RREB1: variants seen among roughly 807,000 people sequenced by gnomAD.
The protein encoded by RREB1 is ras-responsive element-binding protein 1.
A neutral mutation model predicts 117.8 loss-of-function variants in RREB1; 27 were observed. The ratio of observed to expected loss-of-function variants is 0.23; its 90% CI spans 0.17 to 0.32. RREB1 has a LOEUF of 0.32. Among genes scored for constraint, RREB1 ranks in the 10% least tolerant of loss-of-function variants. RREB1 has a pLI of 1.00. For missense variants in RREB1, 2,577 were observed against 2,378.2 expected, an observed-to-expected ratio of 1.08 and a Z score of -1.74; for synonymous variants, 1,298 against 1,026.7, an observed-to-expected ratio of 1.26 and a Z score of -5.05.
chr6:7,136,087 C>G (rs1044848220), intron 1 of RREB1, among the ~76,000 whole-genome samples: 16 of 152,142 alleles, frequency 1.1e-4, no homozygotes, highest in African/African-American at 3.4e-4. Context: ...AGGAGGTGAT[C>G]AGGGGTGATG....
At chr6:7,245,330 G>A (rs1396519536) in intron 11 of RREB1, among the ~76,000 whole-genome samples, 1 of 152,188 alleles carries the variant, frequency 6.6e-6, no homozygotes, top group Non-Finnish European at 1.5e-5. Flanking sequence ...GGGAGGTGGA[G>A]GTTGCAGTGA....
At position 7,246,992 on chromosome 6, in the gene RREB1, CG is replaced by C; in HGVS notation, c.4546del (p.Glu1516ArgfsTer67). On this transcript the variant is annotated frameshift_variant, in exon 12 of 13. Coordinates refer to ENST00000379938, the MANE Select transcript of RREB1 (RefSeq NM_001003699.4). LOFTEE classifies it high-confidence loss of function. ...AGGTGGTGGAGTCGGCCCCGGGTGC[CG>C]GGGAGGCCCCGGCGGAAAAGCTCGC... ...AEVVESAPGAGEAPAEKLAEE... is the reference protein window; with the variant it reads ...AEVVESAPGAXEAPAEKLAEE... The C allele has an allele frequency of 6.3e-7, 1 of 1,595,140 alleles. No homozygotes were observed. The highest frequency in any genetic ancestry group is 8.5e-7 in the Non-Finnish European group (1 of 1,171,524).
intron 1 of RREB1, among the ~76,000 whole-genome samples, chr6:7,110,687 TTA>T (rs1321560310): frequency 6.6e-6 from 1 of 152,206 alleles, no homozygotes; most frequent in African/African-American, 2.4e-5. Flanking sequence ...ACTCTTTGAT[TTA>T]GTTATTTGCT....
intron 8 of RREB1, 88 bp downstream of exon 8, chr6:7,211,797 CT>C (rs1196594990): frequency 1.0e-5 from 14 of 1,373,334 alleles, no homozygotes; most frequent in African/African-American, 2.9e-5. Flanking sequence ...CCACACCGGG[CT>C]CCAGTGATTG....
In RREB1 at chr6:7,248,798, A is replaced by G. The variant is rs574006924; in HGVS notation, c.5059A>G (p.Arg1687Gly). 5.6e-6 allele frequency: 9 copies of G among 1,613,922 alleles called. No individual in the cohort carries two copies. The East Asian group carries it at 2.0e-4, about 36-fold the overall frequency. The change falls in exon 13 of 13, where the codon AGG (arginine) becomes GGG (glycine). Residue 1687 changes from arginine (R) to glycine (G), a missense_variant. Physicochemically the swap from Arg to Gly is moderately radical, Grantham distance 125 (BLOSUM62 -2). Transcript: ENST00000379938. ...CAGTGCCACCAAGGACTGCAGCCAC[A>G]GGGAGGAGAAGGTCACGGCAGGGTG... ...LASATKDCSH[R>G]EEKVTAGWPS...
chr6:7,161,691 A>T (rs570199642), intron 1 of RREB1, among the ~76,000 whole-genome samples: 2 of 152,086 alleles, frequency 1.3e-5, no homozygotes, highest in African/African-American at 4.8e-5. Flanking sequence ...TCTAAATCCT[A>T]CTTGATAACC....
chr6:7,136,209 A>G (rs1037053585), intron 1 of RREB1, among the ~76,000 whole-genome samples: 4 of 152,198 alleles, frequency 2.6e-5, no homozygotes, highest in African/African-American at 9.7e-5. Context: ...TAGAAGTTTG[A>G]TTTGAAAAGG....
At chr6:7,168,447 C>T (rs147018833) in intron 1 of RREB1, among the ~76,000 whole-genome samples, 132 of 152,174 alleles carry the variant, frequency 8.7e-4, no homozygotes, top group African/African-American at 3.0e-3. Flanking sequence ...GGTCTCCCAC[C>T]CATTGCCGGA....
At chr6:7,129,756 C>T (rs1437091870) in intron 1 of RREB1, among the ~76,000 whole-genome samples, 2 of 152,330 alleles carry the variant, frequency 1.3e-5, no homozygotes, top group Non-Finnish European at 2.9e-5. Context: ...AAGGTGCAGC[C>T]GGGCAGCAGG....
At chr6:7,176,799 G>A (rs1764518374) in intron 2 of RREB1, 26 bp downstream of exon 2, 1 of 152,590 alleles carries the variant, frequency 6.6e-6, no homozygotes, top group South Asian at 2.1e-4. Flanking sequence ...TTCACTCGCA[G>A]TGAGTCACAA....
At chr6:7,216,513 C>G (rs1344550656) in intron 8 of RREB1, 1 of 152,202 alleles carries the variant, frequency 6.6e-6, no homozygotes, top group Non-Finnish European at 1.5e-5. Flanking sequence ...CAGCTGAGAC[C>G]ACCCCCTTCC....
At chr6:7,227,173 T>C (rs1183658998) in intron 9 of RREB1, among the ~76,000 whole-genome samples, 1 of 150,710 alleles carries the variant, frequency 6.6e-6, no homozygotes. Context: ...GCCCAGGAGG[T>C]TGAGGCTGCA....
chr6:7,222,875 C>T (rs138521641), intron 8 of RREB1, among the ~76,000 whole-genome samples: 1,934 of 152,232 alleles, frequency 0.013, 26 homozygotes, highest in Non-Finnish European at 0.017. Flanking sequence ...CATTCATTCT[C>T]CATTCCCTTC....
intron 1 of RREB1, among the ~76,000 whole-genome samples, chr6:7,170,558 C>T (rs1764159320): frequency 6.6e-6 from 1 of 152,210 alleles, no homozygotes; most frequent in African/African-American, 2.4e-5. Flanking sequence ...CTTTTAGGAT[C>T]CAGGGCTGCG....
At chr6:7,221,336 T>G (rs1197383421) in intron 8 of RREB1, among the ~76,000 whole-genome samples, 1 of 151,710 alleles carries the variant, frequency 6.6e-6, no homozygotes, top group African/African-American at 2.4e-5. Flanking sequence ...GCCCGGCTAA[T>G]TTTTTGTATT....
At chr6:7,163,715 G>C (rs199714456) in intron 1 of RREB1, among the ~76,000 whole-genome samples, 5 of 152,182 alleles carry the variant, frequency 3.3e-5, no homozygotes, top group East Asian at 3.9e-4. Context: ...TAGTTGTGGG[G>C]CTGGCAGAGC....
intron 2 of RREB1, among the ~76,000 whole-genome samples, chr6:7,179,716 G>A (rs1764692098): frequency 6.6e-6 from 1 of 151,960 alleles, no homozygotes; most frequent in Admixed American, 6.5e-5. Context: ...TGCACTTTGT[G>A]TCTACATGTT....
rs1765142428 is a variant in RREB1 at position 7,187,479 on chromosome 6, A to G, written c.217A>G (p.Lys73Glu). ...TTCCTATAACTGCCCCCTGTGTGAG[A>G]AGATTTGCACTACCCAGCACCAGCT... ...KSSYNCPLCE[K>E]ICTTQHQLTM... The change falls in exon 5 of 13, where the codon AAG (lysine) becomes GAG (glutamate). Residue 73 changes from lysine to glutamate, a missense_variant. Lys to Glu is a moderately conservative substitution (Grantham distance 56). Transcript: ENST00000379938. 6.2e-7 allele frequency: 1 copy of G among 1,606,624 alleles called. No homozygotes were observed. Among genetic ancestry groups the G allele is most frequent in the Non-Finnish European group, 8.5e-7 (1 of 1,174,796 alleles).
chr6:7,151,701 C>T (rs1274830000), intron 1 of RREB1, among the ~76,000 whole-genome samples: 1 of 152,228 alleles, frequency 6.6e-6, no homozygotes, highest in Non-Finnish European at 1.5e-5. Context: ...CACTGCAGTT[C>T]CCTGCAGGGT....
Sources: allele counts gnomAD v4.1 joint callset (sites outside exome capture counted in the v4.1 genomes callset), GRCh38; gene constraint gnomAD v4.1.1; transcripts MANE v1.5; gene names NCBI Gene and HGNC (gene_info 2026-07-23, HGNC 2026-07-21).